The following KIAA1217 variants were observed in gnomAD, a reference collection of about 807,000 sequenced individuals.
The protein encoded by KIAA1217 is KIAA1217.
In KIAA1217, 88 loss-of-function variants were observed where a neutral mutation model predicts 163.9. The ratio of observed to expected loss-of-function variants is 0.54; its 90% CI spans 0.45 to 0.64. The LOEUF (loss-of-function observed/expected upper bound fraction) is 0.64, where lower values mean the gene tolerates loss of function less well. Among genes scored for constraint, KIAA1217 ranks in the 30% least tolerant of loss-of-function variants. KIAA1217 has a pLI of 0.00. For synonymous variants in KIAA1217, 903 were observed against 923.1 expected, an observed-to-expected ratio of 0.98 and a Z score of 0.39; for missense variants, 2,372 against 2,475.0, an observed-to-expected ratio of 0.96 and a Z score of 0.88.
At chr10:24,172,030 C>A (rs148271896) in intron 2 of KIAA1217, among the ~76,000 whole-genome samples, 2 of 152,182 alleles carry the variant, frequency 1.3e-5, no homozygotes, top group African/African-American at 4.8e-5. Context: ...TTAGACATGG[C>A]AAATGGCTTG....
At chr10:23,764,919 A>G (rs192330761) in intron 1 of KIAA1217, among the ~76,000 whole-genome samples, 3 of 152,284 alleles carry the variant, frequency 2.0e-5, no homozygotes, top group Non-Finnish European at 1.5e-5. Context: ...CATAATATCA[A>G]CATTCTCGTC....
intron 1 of KIAA1217, among the ~76,000 whole-genome samples, chr10:23,809,674 T>G (rs1399167687): frequency 1.3e-5 from 2 of 151,982 alleles, no homozygotes; most frequent in African/African-American, 4.8e-5. Flanking sequence ...GTCACTAAAA[T>G]GAAGTTCAAT....
At chr10:23,769,621 AG>A (rs1277096975) in intron 1 of KIAA1217, among the ~76,000 whole-genome samples, 1 of 152,228 alleles carries the variant, frequency 6.6e-6, no homozygotes, top group African/African-American at 2.4e-5. Context: ...GAATGAACAA[AG>A]ACAGCTTAAA....
intron 2 of KIAA1217, among the ~76,000 whole-genome samples, chr10:24,281,624 C>T (rs1451923734): frequency 6.6e-6 from 1 of 152,092 alleles, no homozygotes; most frequent in Non-Finnish European, 1.5e-5. Flanking sequence ...TGGAGGAGTA[C>T]TGGTGAGTTA....
At chr10:24,301,126 T>G (rs1378215825) in intron 2 of KIAA1217, among the ~76,000 whole-genome samples, 1 of 152,136 alleles carries the variant, frequency 6.6e-6, no homozygotes, top group Non-Finnish European at 1.5e-5. Flanking sequence ...TCTGCATTCC[T>G]AATGCTACTT....
intron 1 of KIAA1217, among the ~76,000 whole-genome samples, chr10:24,217,031 CAAAAAAAAA>C (rs60303909): frequency 0.15 from 3,131 of 21,232 alleles, 70 homozygotes; most frequent in Non-Finnish European, 0.2. Flanking sequence ...GACCTTGTCT[CAAAAAAAAA>C]AAAAAAAAAA....
chr10:24,157,793 A>C, intron 2 of KIAA1217: 1 of 417,786 alleles, frequency 2.4e-6, no homozygotes, highest in East Asian at 4.1e-5. Flanking sequence ...TGGTACTCTC[A>C]TATGATATTT....
chr10:24,357,417 G>T (rs2049250876), intron 2 of KIAA1217, among the ~76,000 whole-genome samples: 1 of 151,966 alleles, frequency 6.6e-6, no homozygotes, highest in Non-Finnish European at 1.5e-5. Flanking sequence ...CTTACCTTTG[G>T]CCGGGCCCAA....
At chr10:24,513,213 T>G (rs200126613) in intron 9 of KIAA1217, 46 bp from the exon 10 acceptor site, 226 of 1,593,890 alleles carry the variant, frequency 1.4e-4, no homozygotes, top group Non-Finnish European at 1.4e-4. Context: ...TCGCCTCCAT[T>G]TCAGGCAGGC....
chr10:24,205,381 G>A (rs375595799), upstream of KIAA1217, among the ~76,000 whole-genome samples: 26 of 150,818 alleles, frequency 1.7e-4, 2 homozygotes, highest in South Asian at 1.5e-3. Context: ...ATGCTGAAGC[G>A]GGACAATTGC....
chr10:23,854,861 T>A (rs1186333251), intron 1 of KIAA1217, among the ~76,000 whole-genome samples: 12 of 152,218 alleles, frequency 7.9e-5, no homozygotes, highest in Non-Finnish European at 1.2e-4. Context: ...GTTTTCCATT[T>A]GCTTGGTAGA....
At chr10:24,211,902 T>A (rs1053996157) in intron 1 of KIAA1217, among the ~76,000 whole-genome samples, 4 of 151,688 alleles carry the variant, frequency 2.6e-5, no homozygotes, top group African/African-American at 7.3e-5. Context: ...AAAAAAAATT[T>A]AGCTAGGCAT....
chr10:24,346,119 C>A (rs11014044), intron 2 of KIAA1217, among the ~76,000 whole-genome samples: 50,921 of 151,960 alleles, frequency 0.34, 9,794 homozygotes, highest in Non-Finnish European at 0.43. Context: ...GCACAATGTC[C>A]TCAAGGTTCA....
At position 24,496,418 on chromosome 10, in the gene KIAA1217, G is replaced by A. The variant is rs766532209; in HGVS notation, c.1834+1222G>A. Among the ~76,000 whole-genome samples the A allele has an allele frequency of 1.2e-3, 185 of 152,236 alleles. 1 individual carries two copies. Among genetic ancestry groups the A allele is most frequent in the Non-Finnish European group, 1.1e-3 (76 of 68,046 alleles). ...TTTTAAAATGGATTGTAAACTTAGGGAGAAGAAAGGAAACTACTAAATACT... is the reference window on the plus strand; with the variant it reads ...TTTTAAAATGGATTGTAAACTTAGGAAGAAGAAAGGAAACTACTAAATACT... On this transcript the variant is annotated intron_variant, in intron 8 of 20. Transcript: ENST00000376454.
chr10:24,195,457 C>G (rs1239750295), intron 2 of KIAA1217, among the ~76,000 whole-genome samples: 2 of 152,020 alleles, frequency 1.3e-5, no homozygotes, highest in South Asian at 2.1e-4. Context: ...CTTTTGTGGA[C>G]GAGGCAGCCA....
intron 6 of KIAA1217, among the ~76,000 whole-genome samples, chr10:24,484,865 G>C (rs894125925): frequency 7.2e-5 from 11 of 152,150 alleles, no homozygotes; most frequent in Non-Finnish European, 5.9e-5. Context: ...GATCTGAGGG[G>C]GGTTGTGTCC....
intron 1 of KIAA1217, among the ~76,000 whole-genome samples, chr10:23,782,852 G>A (rs923051184): frequency 1.3e-5 from 2 of 152,072 alleles, no homozygotes; most frequent in Non-Finnish European, 2.9e-5. Flanking sequence ...GATTGCTCTT[G>A]CCAGTACTTC....
intron 1 of KIAA1217, among the ~76,000 whole-genome samples, chr10:23,736,524 G>GT (rs776261363): frequency 1.7e-4 from 26 of 152,180 alleles, no homozygotes; most frequent in Non-Finnish European, 3.2e-4. Flanking sequence ...ATAAGTTGTT[G>GT]TTTTTTAGAG....
chr10:23,903,961 G>T lies in KIAA1217; in HGVS notation c.-320-103264G>T, dbSNP rs114273235. 8.2e-3 allele frequency among the ~76,000 whole-genome samples: 1,245 copies of T among 152,228 alleles called. 22 individuals carry two copies. Among genetic ancestry groups the T allele is most frequent in the African/African-American group, 0.029 (1,195 of 41,564 alleles). On this transcript the variant is annotated intron_variant, in intron 1 of 18. Coordinates refer to the KIAA1217 transcript ENST00000376462. ...CTCAAAGTTTGGAATTTCTGTGCTA[G>T]CATATACTAATTGATTACCATGTAG...
Sources: allele counts gnomAD v4.1 joint callset (sites outside exome capture counted in the v4.1 genomes callset), GRCh38; gene constraint gnomAD v4.1.1; transcripts MANE v1.5; gene names NCBI Gene and HGNC (gene_info 2026-07-23, HGNC 2026-07-21).